The following TXLNB variants were observed in gnomAD, a reference collection of about 807,000 sequenced individuals.
The protein encoded by TXLNB is taxilin beta.
Under a neutral mutation model 57.4 loss-of-function variants are expected in TXLNB, and 37 were observed. The ratio of observed to expected loss-of-function variants is 0.64; its 90% confidence interval spans 0.50 to 0.85. TXLNB has a LOEUF of 0.85. Ranked by LOEUF, TXLNB falls within the 40% of genes least tolerant of loss-of-function variation. The pLI is 0.00. For missense variants in TXLNB, 848 were observed against 825.6 expected (o/e 1.03, Z -0.33); for synonymous variants, 302 against 309.6 (o/e 0.98, Z 0.26).
the TXLNB span, among the ~76,000 whole-genome samples, chr6:139,211,843 A>G: frequency 6.6e-6 from 1 of 152,250 alleles, no homozygotes; most frequent in Non-Finnish European, 1.5e-5. Flanking sequence ...CACAAGCCTC[A>G]GTAACCGATG....
intron 1 of TXLNB, among the ~76,000 whole-genome samples, chr6:139,289,291 T>G (rs1562291450): frequency 1.3e-5 from 2 of 152,054 alleles, no homozygotes; most frequent in Non-Finnish European, 2.9e-5. Flanking sequence ...CTGTTTTGTT[T>G]CGATCTAATT....
the TXLNB span, among the ~76,000 whole-genome samples, chr6:139,300,328 T>A: frequency 6.6e-6 from 1 of 152,338 alleles, no homozygotes; most frequent in East Asian, 1.9e-4. Flanking sequence ...CAATTTGGTG[T>A]GGCTTTGATA....
intron 7 of TXLNB, among the ~76,000 whole-genome samples, chr6:139,250,591 C>T (rs770469203): frequency 7.9e-5 from 12 of 151,952 alleles, no homozygotes; most frequent in Non-Finnish European, 1.2e-4. Flanking sequence ...ATTCTCAGCC[C>T]GGCCTCTTTT....
the TXLNB span, among the ~76,000 whole-genome samples, chr6:139,315,277 T>C: frequency 6.6e-6 from 1 of 152,166 alleles, no homozygotes; most frequent in African/African-American, 2.4e-5. Context: ...TGATCCCTAA[T>C]TGCTCAGGGA....
In TXLNB at chr6:139,242,703, C is replaced by T. The variant is rs1242411935; in HGVS notation, c.1878G>A (p.Met626Ile). ...ATGCTGGAGCAGGCACATCTGCCTC[C>T]ATCTTCTGTAGGGAGGCCTCGGTGG... Reference protein sequence around the residue: ...QAPTEASLQKMEADVPAPACA... With the variant: ...QAPTEASLQKIEADVPAPACA... Residue 626 changes from methionine (M) to isoleucine (I), a missense_variant, in exon 10 of 10, where the codon ATG (methionine) becomes ATA (isoleucine). Met to Ile is a conservative substitution (Grantham distance 10). Transcript: ENST00000358430. 6.2e-7 allele frequency: 1 copy of T among 1,611,434 alleles called. No individual in the cohort carries two copies. Among genetic ancestry groups the T allele is most frequent in the Non-Finnish European group, 8.5e-7 (1 of 1,179,160 alleles).
chr6:139,255,145 A>G (rs1776303710), intron 7 of TXLNB, among the ~76,000 whole-genome samples: 1 of 152,172 alleles, frequency 6.6e-6, no homozygotes, highest in Non-Finnish European at 1.5e-5. Flanking sequence ...ATGATAAATA[A>G]TATCAAGACA....
chr6:139,182,451 A>ATTG, the TXLNB span, among the ~76,000 whole-genome samples: 1 of 152,178 alleles, frequency 6.6e-6, no homozygotes, highest in Non-Finnish European at 1.5e-5. Flanking sequence ...ATGGAAGAAA[A>ATTG]TTGTTACTTC....
rs375020276 is a variant in TXLNB at position 139,276,797 on chromosome 6, G to A, written c.516+33C>T. 7.7e-5 allele frequency: 119 copies of A among 1,549,310 alleles called. 1 individual carries two copies. The African/African-American group carries it at 1.2e-3, about 15-fold the overall frequency. On this transcript the variant is annotated intron_variant, in intron 3 of 9. Coordinates refer to ENST00000358430, the MANE Select transcript of TXLNB (RefSeq NM_153235.4). ...GCTAGAGGCACTGGGCTCACTAATCGTTCTGAGAAAAGAAGCTAATCCAAG... is the reference window on the plus strand; with the variant it reads ...GCTAGAGGCACTGGGCTCACTAATCATTCTGAGAAAAGAAGCTAATCCAAG...
the TXLNB span, among the ~76,000 whole-genome samples, chr6:139,305,428 T>C: frequency 6.6e-6 from 1 of 152,174 alleles, no homozygotes; most frequent in Admixed American, 6.5e-5. Context: ...TATAACCATA[T>C]GCATTAAAAC....
the TXLNB span, among the ~76,000 whole-genome samples, chr6:139,163,546 G>A: frequency 2.0e-5 from 3 of 151,994 alleles, no homozygotes; most frequent in Non-Finnish European, 2.9e-5. Context: ...TAGAGATGGG[G>A]TTTCATCATG....
chr6:139,174,772 A>T, the TXLNB span, among the ~76,000 whole-genome samples: 1 of 152,190 alleles, frequency 6.6e-6, no homozygotes, highest in African/African-American at 2.4e-5. Flanking sequence ...TCAAAAGAAC[A>T]GGTTATAAAA....
the TXLNB span, among the ~76,000 whole-genome samples, chr6:139,227,343 C>T: frequency 1.4e-5 from 2 of 139,118 alleles, no homozygotes; most frequent in Non-Finnish European, 3.1e-5. Flanking sequence ...GTCTCAAAAA[C>T]AAAACAAAAC....
chr6:139,274,022 T>G (rs1776833044), intron 3 of TXLNB, among the ~76,000 whole-genome samples: 1 of 152,222 alleles, frequency 6.6e-6, no homozygotes, highest in African/African-American at 2.4e-5. Context: ...TCTTGTTTTC[T>G]TTCTCTTTTT....
At chr6:139,267,202 T>C (rs1776637744) in intron 4 of TXLNB, among the ~76,000 whole-genome samples, 2 of 152,168 alleles carry the variant, frequency 1.3e-5, no homozygotes, top group Non-Finnish European at 2.9e-5. Context: ...TCAGGAATGG[T>C]AAACATCTGG....
the TXLNB span, among the ~76,000 whole-genome samples, chr6:139,217,022 T>C: frequency 6.6e-6 from 1 of 152,060 alleles, no homozygotes; most frequent in Non-Finnish European, 1.5e-5. Context: ...TGAAATAAAA[T>C]AAAAATTCAA....
At chr6:139,176,994 G>A in the TXLNB span, 23 of 872,620 alleles carry the variant, frequency 2.6e-5, no homozygotes, top group Non-Finnish European at 2.0e-6. This position sits in a 1 kb window ranked among gnomAD's most constrained non-coding sequence, Gnocchi z 4.5. Context: ...TGAGGATCGG[G>A]ATGCAGTACT....
At chr6:139,255,363 C>T in intron 7 of TXLNB, 1 of 633,516 alleles carries the variant, frequency 1.6e-6, no homozygotes, top group South Asian at 1.5e-5. Flanking sequence ...CGGCGCAGAA[C>T]ATTTCTTTTT....
chr6:139,264,543 T>TTTTG (rs1776565629), intron 4 of TXLNB, among the ~76,000 whole-genome samples: 1 of 150,558 alleles, frequency 6.6e-6, no homozygotes, highest in African/African-American at 2.5e-5. Flanking sequence ...ATATATATAT[T>TTTTG]TTTTGTTTTG....
the TXLNB span, among the ~76,000 whole-genome samples, chr6:139,213,645 A>C: frequency 1.2e-4 from 18 of 152,160 alleles, no homozygotes; most frequent in African/African-American, 4.3e-4. Flanking sequence ...AGCTGAAGGA[A>C]ATAGAGACAC....
Sources: allele counts gnomAD v4.1 joint callset (sites outside exome capture counted in the v4.1 genomes callset), GRCh38; gene constraint gnomAD v4.1.1; non-coding constraint Gnocchi (gnomAD v3.1); transcripts MANE v1.5; gene names NCBI Gene and HGNC (gene_info 2026-07-23, HGNC 2026-07-21).